Variants in GRM1 observed in about 807,000 individuals in gnomAD.
The protein encoded by GRM1 is metabotropic glutamate receptor 1.
A neutral mutation model predicts 90.9 loss-of-function variants in GRM1; 33 were observed. The observed-to-expected ratio is 0.36, with a 90% CI of 0.28 to 0.49. GRM1 has a LOEUF of 0.49. Among genes scored for constraint, GRM1 ranks in the 20% least tolerant of loss-of-function variants. The pLI, the probability that GRM1 is intolerant of heterozygous loss-of-function variation, is 0.99. For synonymous variants in GRM1, 700 were observed against 613.2 expected (o/e 1.14, Z -2.09); for missense variants, 1,190 against 1,534.3 (o/e 0.78, Z 3.75).
At chr6:146,390,316 G>C (rs1216219430) in intron 6 of GRM1, among the ~76,000 whole-genome samples, 4 of 151,422 alleles carry the variant, frequency 2.6e-5, no homozygotes, top group Non-Finnish European at 4.4e-5. Flanking sequence ...GAAGAAATTA[G>C]TATATTTCTT....
chr6:146,363,318 C>T (rs1775561220), intron 5 of GRM1, among the ~76,000 whole-genome samples: 1 of 152,070 alleles, frequency 6.6e-6, no homozygotes, highest in Admixed American at 6.6e-5. Flanking sequence ...TTCCTTAGCT[C>T]CCTTATTTTA....
intron 2 of GRM1, among the ~76,000 whole-genome samples, chr6:146,263,801 A>G (rs927602164): frequency 6.6e-6 from 1 of 152,220 alleles, no homozygotes; most frequent in Non-Finnish European, 1.5e-5. Flanking sequence ...TATTTCATTT[A>G]TAGTTGGATC....
chr6:146,288,747 C>T (rs1262622762), intron 2 of GRM1, among the ~76,000 whole-genome samples: 1 of 152,138 alleles, frequency 6.6e-6, no homozygotes, highest in East Asian at 1.9e-4. Flanking sequence ...CTCAAGTGAT[C>T]TGCCTGCCTC....
chr6:146,239,335 G>T (rs1780766583), intron 2 of GRM1, among the ~76,000 whole-genome samples: 1 of 152,134 alleles, frequency 6.6e-6, no homozygotes, highest in African/African-American at 2.4e-5. Context: ...TGTAGGTCAT[G>T]GCATTACTAT....
At chr6:146,199,343 T>A (rs1370792302) in intron 2 of GRM1, among the ~76,000 whole-genome samples, 1 of 152,206 alleles carries the variant, frequency 6.6e-6, no homozygotes, top group Non-Finnish European at 1.5e-5. Flanking sequence ...TCTCTAGGCT[T>A]CTAAGAGCTA....
intron 2 of GRM1, among the ~76,000 whole-genome samples, chr6:146,205,555 A>C (rs1232654280): frequency 1.3e-5 from 2 of 152,174 alleles, no homozygotes; most frequent in Non-Finnish European, 1.5e-5. Flanking sequence ...TTGAAAATTT[A>C]TTTTTCGTTA....
chr6:146,174,663 G>A (rs1271038850), intron 2 of GRM1, among the ~76,000 whole-genome samples: 2 of 152,170 alleles, frequency 1.3e-5, no homozygotes, highest in Non-Finnish European at 2.9e-5. Flanking sequence ...CATTAACTAT[G>A]TTTTGGGTTA....
chr6:146,386,547 T>C (rs1218089886), intron 5 of GRM1, among the ~76,000 whole-genome samples: 1 of 152,056 alleles, frequency 6.6e-6, no homozygotes, highest in Non-Finnish European at 1.5e-5. Context: ...AAGAAAAATA[T>C]ATACTTTTTC....
intron 2 of GRM1, among the ~76,000 whole-genome samples, chr6:146,218,513 A>G (rs1024507566): frequency 6.6e-6 from 1 of 152,196 alleles, no homozygotes; most frequent in Non-Finnish European, 1.5e-5. Flanking sequence ...CAAAATCATA[A>G]ATGATACATA....
intron 1 of GRM1, among the ~76,000 whole-genome samples, chr6:146,038,510 A>T (rs1790974674): frequency 6.6e-6 from 1 of 152,076 alleles, no homozygotes. Flanking sequence ...ATGCTATTCT[A>T]ACCTTAATTA....
intron 5 of GRM1, among the ~76,000 whole-genome samples, chr6:146,359,322 A>G (rs1439452356): frequency 6.6e-6 from 1 of 152,104 alleles, no homozygotes; most frequent in African/African-American, 2.4e-5. Context: ...GAATAGTGGG[A>G]AAAAACAGGA....
At chr6:146,264,398 G>A (rs967714323) in intron 2 of GRM1, among the ~76,000 whole-genome samples, 4 of 151,920 alleles carry the variant, frequency 2.6e-5, no homozygotes, top group African/African-American at 9.7e-5. Context: ...AAACATGACA[G>A]TAAGATTCTT....
intron 1 of GRM1, among the ~76,000 whole-genome samples, chr6:146,130,423 A>G (rs550035085): frequency 2.0e-4 from 31 of 152,268 alleles, no homozygotes; most frequent in African/African-American, 5.8e-4. Context: ...TAGTTAAGAG[A>G]AAGTGAATAT....
chr6:146,258,639 C>T (rs1781574363), intron 2 of GRM1, among the ~76,000 whole-genome samples: 1 of 152,030 alleles, frequency 6.6e-6, no homozygotes, highest in Non-Finnish European at 1.5e-5. Context: ...CCTGCCATGG[C>T]CTCTGAAAGT....
intron 2 of GRM1, among the ~76,000 whole-genome samples, chr6:146,283,089 C>A (rs764701013): frequency 2.0e-5 from 3 of 152,178 alleles, no homozygotes; most frequent in Non-Finnish European, 4.4e-5. Context: ...GCTCTCTCAG[C>A]CCCAGGCCAT....
At chr6:146,394,020 T>A (rs1367300696) in intron 6 of GRM1, among the ~76,000 whole-genome samples, 1 of 152,108 alleles carries the variant, frequency 6.6e-6, no homozygotes. Flanking sequence ...GGGAAAGGAT[T>A]CTCTATTTAA....
chr6:146,402,694 T>G (rs1175569372), intron 7 of GRM1, among the ~76,000 whole-genome samples: 4 of 152,166 alleles, frequency 2.6e-5, no homozygotes. Flanking sequence ...ATCTATCTGT[T>G]TGAACATTGT....
At chr6:146,045,439 T>C (rs1381769232) in intron 1 of GRM1, among the ~76,000 whole-genome samples, 2 of 151,972 alleles carry the variant, frequency 1.3e-5, no homozygotes, top group Non-Finnish European at 2.9e-5. Context: ...ACTGATATTT[T>C]TTCAGCAATT....
At chr6:146,260,288 G>T (rs1781641500) in intron 2 of GRM1, among the ~76,000 whole-genome samples, 1 of 152,034 alleles carries the variant, frequency 6.6e-6, no homozygotes, top group Non-Finnish European at 1.5e-5. Context: ...TGCTGAGAAT[G>T]ATGGTTTCCA....
Sources: gnomAD v4.1 joint callset for allele counts (sites outside exome capture counted in the v4.1 genomes callset) on GRCh38, gnomAD v4.1.1 for gene constraint, MANE v1.5 for transcripts, NCBI Gene and HGNC (gene_info 2026-07-23, HGNC 2026-07-21) for gene names.